Variants in GIGYF2 observed in about 807,000 individuals in gnomAD.
GIGYF2 encodes the protein GRB10 interacting GYF protein 2.
In GIGYF2, 25 loss-of-function variants were observed where a neutral mutation model predicts 208.1. The ratio of observed to expected loss-of-function variants is 0.12; its 90% CI spans 0.09 to 0.17. The LOEUF (loss-of-function observed/expected upper bound fraction) is 0.17, where lower values mean the gene tolerates loss of function less well. GIGYF2 is among the 10% of genes least tolerant of loss of function. GIGYF2 has a pLI of 1.00. For synonymous variants in GIGYF2, 534 were observed against 543.8 expected, an observed-to-expected ratio of 0.98 and a Z score of 0.25; for missense variants, 1,302 against 1,579.4, an observed-to-expected ratio of 0.82 and a Z score of 2.98.
Position 232,819,285 on chromosome 2 carries a change from A to G in GIGYF2, c.2371-542A>G, listed in dbSNP as rs116438333. Among the ~76,000 whole-genome samples, 1,113 of 152,328 alleles carry G rather than the reference A, an allele frequency of 7.3e-3. 11 individuals carry two copies. The highest frequency in any genetic ancestry group is 0.011 in the Non-Finnish European group (747 of 68,026). On this transcript the variant is annotated intron_variant, in intron 20 of 28. Transcript: ENST00000373563. Reference sequence around the variant, plus strand: ...TTAGTTCTGTGTTGCGCAGTTTTCTATAAATGATCTCAACAATGGGACTTC... The same window carrying G: ...TTAGTTCTGTGTTGCGCAGTTTTCTGTAAATGATCTCAACAATGGGACTTC...
At chr2:232,758,068 G>C (rs1273808324) in intron 6 of GIGYF2, among the ~76,000 whole-genome samples, 1 of 152,162 alleles carries the variant, frequency 6.6e-6, no homozygotes, top group South Asian at 2.1e-4. Context: ...TCAACCACCC[G>C]TGATTCTTCT....
intron 22 of GIGYF2, 31 bp from the exon 23 acceptor site, chr2:232,839,818 A>C (rs1217593790): frequency 6.2e-7 from 1 of 1,613,056 alleles, no homozygotes; most frequent in Non-Finnish European, 8.5e-7. Context: ...ACATTTCCTC[A>C]TGAACTTTCT....
chr2:232,706,587 G>A (rs968928768), intron 2 of GIGYF2, among the ~76,000 whole-genome samples: 1 of 152,142 alleles, frequency 6.6e-6, no homozygotes, highest in African/African-American at 2.4e-5. Context: ...AGACCAGCCT[G>A]ACCAACACGG....
intron 5 of GIGYF2, among the ~76,000 whole-genome samples, chr2:232,753,845 T>C (rs1021589756): frequency 1.3e-5 from 2 of 152,132 alleles, no homozygotes; most frequent in Admixed American, 6.5e-5. Context: ...ACATTGCAGT[T>C]TTTGTTATCA....
chr2:232,771,466 T>C (rs1699242852), intron 8 of GIGYF2: 1 of 816,140 alleles, frequency 1.2e-6, no homozygotes, highest in East Asian at 2.6e-5. Flanking sequence ...TCTGCTTTCT[T>C]GGGAATGCTT....
At chr2:232,723,788 A>G (rs1268511310) in intron 2 of GIGYF2, among the ~76,000 whole-genome samples, 1 of 126,480 alleles carries the variant, frequency 7.9e-6, no homozygotes, top group Non-Finnish European at 1.6e-5. Context: ...GCTGGAGTGC[A>G]GTAGCACGAT....
intron 8 of GIGYF2, chr2:232,782,595 A>T (rs547027946): frequency 6.6e-6 from 1 of 152,356 alleles, no homozygotes; most frequent in African/African-American, 2.4e-5. Context: ...TGGTTTGTTT[A>T]TACAGTGAGA....
chr2:232,857,032 T>C lies in GIGYF2; in HGVS notation c.*172T>C. 1.5e-6 allele frequency: 1 copy of C among 668,126 alleles called. No homozygotes were observed. The highest frequency in any genetic ancestry group is 2.7e-6 in the Non-Finnish European group (1 of 366,416). 41.4% of individuals were successfully genotyped at this position (668,126 alleles called of 1,614,324 possible). ...TTGTGTCCAAGATTCTTTAATCCAT[T>C]TTTGTTGGTGAACATCTCAGACTAT... is the stretch of plus-strand genomic sequence containing the variant. On this transcript the variant is annotated 3_prime_UTR_variant, in exon 29 of 29. Transcript: ENST00000373563.
At chr2:232,823,953 A>G (rs1033246355) in intron 21 of GIGYF2, among the ~76,000 whole-genome samples, 8 of 152,140 alleles carry the variant, frequency 5.3e-5, no homozygotes, top group African/African-American at 1.9e-4. Flanking sequence ...GCAATGTTTC[A>G]GATTTTTTTT....
intron 16 of GIGYF2, 160 bp from the exon 17 acceptor site, chr2:232,811,084 A>G (rs1015763599): frequency 9.2e-5 from 55 of 595,126 alleles, no homozygotes; most frequent in African/African-American, 2.1e-4. Flanking sequence ...AGAATTTTCT[A>G]TGTGTCTATT....
intron 8 of GIGYF2, among the ~76,000 whole-genome samples, chr2:232,783,033 A>C (rs1699772672): frequency 6.6e-6 from 1 of 152,254 alleles, no homozygotes; most frequent in South Asian, 2.1e-4. Context: ...GAGATGAGTG[A>C]AGTCCATTTT....
intron 20 of GIGYF2, among the ~76,000 whole-genome samples, chr2:232,818,516 A>G (rs940185349): frequency 3.9e-5 from 6 of 152,182 alleles, no homozygotes; most frequent in Non-Finnish European, 7.4e-5. Flanking sequence ...TCCCACCACC[A>G]TTTATTAAAG....
At chr2:232,802,466 T>C (rs1049275362) in intron 14 of GIGYF2, among the ~76,000 whole-genome samples, 2 of 152,230 alleles carry the variant, frequency 1.3e-5, no homozygotes, top group Admixed American at 1.3e-4. Context: ...AGGGTGATAC[T>C]ACTTCTGTGT....
chr2:232,704,856 A>ATTTTTTTTT lies in GIGYF2; in HGVS notation c.-44+1380_-44+1388dup, dbSNP rs10689292. Among the ~76,000 whole-genome samples, 48 of 101,956 alleles carry ATTTTTTTTT rather than the reference A, an allele frequency of 4.7e-4. 1 individual carries two copies. The highest frequency in any genetic ancestry group is 6.4e-4 in the Non-Finnish European group (35 of 54,706). 66.9% of individuals were successfully genotyped at this position (101,956 alleles called of 152,430 possible). A position where few individuals can be genotyped will look rare whatever the true frequency, so the allele number is the denominator to read the frequency against. ...GTTTTTTATAAATTTTAACTTCTGG[A>ATTTTTTTTT]TTTTTTTTTTTTTTTTTTTTTGAGA... On this transcript the variant is annotated intron_variant, in intron 2 of 28. Transcript: ENST00000373563.
At chr2:232,735,322 A>C (rs1347130112) in intron 3 of GIGYF2, 84 bp downstream of exon 3, 1 of 969,738 alleles carries the variant, frequency 1.0e-6, no homozygotes, top group Non-Finnish European at 1.7e-6. Flanking sequence ...GTGGTTTATA[A>C]ATGTGCATGT....
intron 15 of GIGYF2, among the ~76,000 whole-genome samples, chr2:232,808,626 T>C (rs944840621): frequency 1.2e-4 from 18 of 152,124 alleles, no homozygotes; most frequent in Non-Finnish European, 2.5e-4. Flanking sequence ...CCCTAAGAAA[T>C]TGTGTATCAA....
intron 9 of GIGYF2, chr2:232,788,405 A>G: frequency 3.6e-6 from 1 of 278,990 alleles, no homozygotes; most frequent in Non-Finnish European, 7.8e-6. Context: ...AGGTCTAGAC[A>G]ATTTTCATTA....
intron 2 of GIGYF2, among the ~76,000 whole-genome samples, chr2:232,706,837 T>A (rs1472235624): frequency 6.6e-6 from 1 of 151,576 alleles, no homozygotes; most frequent in African/African-American, 2.4e-5. Context: ...ATGCATGCCT[T>A]GGTCCCAGTT....
At chr2:232,716,666 AG>A (rs1696696388) in intron 2 of GIGYF2, among the ~76,000 whole-genome samples, 1 of 152,032 alleles carries the variant, frequency 6.6e-6, no homozygotes, top group Non-Finnish European at 1.5e-5. Flanking sequence ...TACAGGCATG[AG>A]CCACTGCGCC....
Sources: allele counts gnomAD v4.1 joint callset (sites outside exome capture counted in the v4.1 genomes callset), GRCh38; gene constraint gnomAD v4.1.1; transcripts MANE v1.5; gene names NCBI Gene and HGNC (gene_info 2026-07-23, HGNC 2026-07-21).